Variants in ALPK3 observed in about 807,000 individuals in gnomAD.
ALPK3 encodes the protein alpha-protein kinase 3.
Under a neutral mutation model 140.0 loss-of-function variants are expected in ALPK3, and 102 were observed. The ratio of observed to expected loss-of-function variants is 0.73; its 90% CI spans 0.62 to 0.86. ALPK3 has a LOEUF of 0.86. Among genes scored for constraint, ALPK3 ranks in the 40% least tolerant of loss-of-function variants. The pLI, the probability that ALPK3 is intolerant of heterozygous loss-of-function variation, is 0.00. For synonymous variants in ALPK3, 938 were observed against 898.5 expected, an observed-to-expected ratio of 1.04 and a Z score of -0.79; for missense variants, 2,254 against 2,208.2, an observed-to-expected ratio of 1.02 and a Z score of -0.42.
intron 3 of ALPK3, among the ~76,000 whole-genome samples, chr15:84,829,896 T>C (rs1368319054): frequency 6.6e-6 from 1 of 152,242 alleles, no homozygotes; most frequent in Non-Finnish European, 1.5e-5. Context: ...GGATGGTTGC[T>C]GTGTCCTGAG....
In ALPK3 at chr15:84,840,346, G is replaced by T. The variant is rs750686743; in HGVS notation, c.1067G>T (p.Gly356Val). 6.2e-7 allele frequency: 1 copy of T among 1,613,678 alleles called. No homozygotes were observed. The highest frequency in any genetic ancestry group is 1.7e-5 in the Admixed American group (1 of 59,912). The change falls in exon 5 of 14, where the codon GGG becomes GTG. Residue 356 changes from glycine to valine, a missense_variant. Gly to Val is a moderately radical substitution (Grantham distance 109). Around this residue, in one of 3 missense-constraint regions of ALPK3, gnomAD observed 2,088 missense variants for 2,022.9 expected, o/e 1.03. Coordinates refer to ENST00000258888, the MANE Select transcript of ALPK3 (RefSeq NM_020778.5). ...AGCTCAGACGAGCCTGACTCCTGTG[G>T]GACTCAGGGGCCCGTGGGCGTGGAG... ...IPSSDEPDSCGTQGPVGVEQV... is the reference protein window; with the variant it reads ...IPSSDEPDSCVTQGPVGVEQV...
intron 5 of ALPK3, among the ~76,000 whole-genome samples, chr15:84,845,201 T>A (rs1378368720): frequency 6.6e-6 from 1 of 151,876 alleles, no homozygotes; most frequent in African/African-American, 2.4e-5. Context: ...GATGTAAACA[T>A]TAACTTGGGC....
At chr15:84,861,853 T>G (rs527651506) in intron 9 of ALPK3, among the ~76,000 whole-genome samples, 12 of 152,202 alleles carry the variant, frequency 7.9e-5, no homozygotes, top group Non-Finnish European at 1.8e-4. Flanking sequence ...GAGATTGGAT[T>G]CTTTTTTTTG....
chr15:84,829,674 G>T (rs960475686), intron 3 of ALPK3, among the ~76,000 whole-genome samples: 1 of 152,208 alleles, frequency 6.6e-6, no homozygotes, highest in Non-Finnish European at 1.5e-5. Flanking sequence ...CTACAGGCGC[G>T]TGCCACCACA....
Position 84,857,781 on chromosome 15 carries a change from C to G in ALPK3, c.3043C>G (p.Leu1015Val). ...TAGTCCCCGGACATCGAGGCGCATCCTGGAGCGTGTGGAGAACAACCACCT... is the reference window on the plus strand; with the variant it reads ...TAGTCCCCGGACATCGAGGCGCATCGTGGAGCGTGTGGAGAACAACCACCT... ...GLSPRTSRRILERVENNHLVQ... is the reference protein window; with the variant it reads ...GLSPRTSRRIVERVENNHLVQ... The change falls in exon 6 of 14, where the codon CTG (leucine) becomes GTG (valine). Residue 1015 changes from leucine (L) to valine (V), a missense_variant. Coordinates refer to ENST00000258888, the MANE Select transcript of ALPK3 (RefSeq NM_020778.5). The G allele has an allele frequency of 6.2e-7, 1 of 1,612,522 alleles. No homozygotes were observed. Among genetic ancestry groups the G allele is most frequent in the South Asian group, 1.1e-5 (1 of 91,014 alleles).
At chr15:84,859,638 G>A in intron 7 of ALPK3, 138 bp from the exon 8 acceptor site, 5 of 1,373,676 alleles carry the variant, frequency 3.6e-6, no homozygotes, top group Non-Finnish European at 4.8e-6. Flanking sequence ...CCAGCTCTTG[G>A]CCCTGGAATC....
chr15:84,837,386 T>C (rs1310267667), intron 3 of ALPK3, among the ~76,000 whole-genome samples: 2 of 152,168 alleles, frequency 1.3e-5, no homozygotes, highest in African/African-American at 4.8e-5. Context: ...GCCGCTTTAC[T>C]TAGGAGCGTG....
In ALPK3 at chr15:84,826,835, G is replaced by T. The variant is rs535609731; in HGVS notation, c.183-649G>T. 2.6e-4 allele frequency among the ~76,000 whole-genome samples: 39 copies of T among 152,248 alleles called. 1 individual carries two copies. The highest frequency in any genetic ancestry group is 9.4e-4 in the African/African-American group (39 of 41,538). ...GGGGAGCCACAGCTGGCTTTCCAAG[G>T]CTGCTTCCCAGCCCCATTTCGGCTG... On this transcript the variant is annotated intron_variant, in intron 2 of 13. Coordinates refer to ENST00000258888, the MANE Select transcript of ALPK3 (RefSeq NM_020778.5).
chr15:84,869,229 C>A lies in ALPK3; in HGVS notation c.*773C>A, dbSNP rs1964040332. 6.6e-6 allele frequency: 1 copy of A among 152,542 alleles called. No individual in the cohort carries two copies. The highest frequency in any genetic ancestry group is 1.5e-5 in the Non-Finnish European group (1 of 68,274). 9.4% of individuals were successfully genotyped at this position (152,542 alleles called of 1,614,324 possible). ...TGGCCCTTTGCTTGAGGGCTCCCCACTCCCTGCCCACCAATACCCAGGTGA... is the reference window on the plus strand; with the variant it reads ...TGGCCCTTTGCTTGAGGGCTCCCCAATCCCTGCCCACCAATACCCAGGTGA... On this transcript the variant is annotated 3_prime_UTR_variant, in exon 14 of 14. Transcript: ENST00000258888.
At chr15:84,843,201 T>G (rs1596150938) in intron 5 of ALPK3, among the ~76,000 whole-genome samples, 1 of 152,236 alleles carries the variant, frequency 6.6e-6, no homozygotes, top group East Asian at 1.9e-4. Flanking sequence ...GTACAGTGGC[T>G]CATGCCTGTA....
Position 84,857,229 on chromosome 15 carries a change from C to T in ALPK3, c.2491C>T (p.Gln831Ter). 1 of 1,613,980 alleles carries T rather than the reference C, an allele frequency of 6.2e-7. No individual in the cohort carries two copies. Among genetic ancestry groups the T allele is most frequent in the Non-Finnish European group, 8.5e-7 (1 of 1,179,938 alleles). The change falls in exon 6 of 14, where the codon CAG becomes TAG. Residue 831 changes from glutamine (Q) to a stop codon, truncating the protein, a stop_gained. Transcript: ENST00000258888. LOFTEE classifies it high-confidence loss of function. The stretch of plus-strand genomic sequence containing the variant: ...GTCATCAGGCCCAGTCGAGGCCAAG[C>T]AGGAGGACAGCCCGTTCCAGTGCCC... The part of the protein sequence containing the change: ...PQSSGPVEAK[Q>*]EDSPFQCPKE...
chr15:84,839,015 G>A lies in ALPK3; in HGVS notation c.340G>A (p.Asp114Asn), dbSNP rs1312855809. Residue 114 changes from aspartate to asparagine, a missense_variant, in exon 4 of 14, where the codon GAT becomes AAT. Around this residue, in one of 3 missense-constraint regions of ALPK3, gnomAD observed 2,088 missense variants for 2,022.9 expected, o/e 1.03. Coordinates refer to ENST00000258888, the MANE Select transcript of ALPK3 (RefSeq NM_020778.5). ...PEPEVTWYKD[D>N]TELDRYCGLP... The stretch of plus-strand genomic sequence containing the variant: ...GCCAGAGGTGACCTGGTACAAGGAT[G>A]ATACGGAGCTGGACCGCTACTGTGG... 6.2e-7 allele frequency: 1 copy of A among 1,614,134 alleles called. No homozygotes were observed. The highest frequency in any genetic ancestry group is 1.1e-5 in the South Asian group (1 of 91,048).
intron 3 of ALPK3, among the ~76,000 whole-genome samples, chr15:84,833,247 T>C (rs899105558): frequency 1.3e-5 from 2 of 152,224 alleles, no homozygotes; most frequent in Non-Finnish European, 2.9e-5. Flanking sequence ...ATTGTTGATC[T>C]TCTCCTTTCC....
intron 6 of ALPK3, 57 bp downstream of exon 6, chr15:84,858,612 C>T: frequency 6.7e-7 from 1 of 1,497,424 alleles, no homozygotes; most frequent in Non-Finnish European, 8.8e-7. Context: ...AGAAAGCACA[C>T]TGCTGCTGCT....
intron 11 of ALPK3, among the ~76,000 whole-genome samples, chr15:84,864,066 C>T (rs905473225): frequency 6.6e-6 from 1 of 152,170 alleles, no homozygotes; most frequent in Non-Finnish European, 1.5e-5. Context: ...GACTTGAACT[C>T]TGACCTTTGC....
chr15:84,822,577 C>T (rs1261345913), intron 1 of ALPK3, among the ~76,000 whole-genome samples: 2 of 152,010 alleles, frequency 1.3e-5, no homozygotes, highest in East Asian at 3.9e-4. Flanking sequence ...ATTTTTGTAT[C>T]AGGAAAGGAG....
rs765187060 is a variant in ALPK3 at position 84,840,505 on chromosome 15, A to T, written c.1226A>T (p.Gln409Leu). The T allele has an allele frequency of 1.2e-6, 2 of 1,612,244 alleles. No individual in the cohort carries two copies. The highest frequency in any genetic ancestry group is 1.7e-6 in the Non-Finnish European group (2 of 1,179,524). Residue 409 changes from glutamine to leucine, a missense_variant, in exon 5 of 14, where the codon CAG becomes CTG. This residue lies in a region of ALPK3 where 2,088 missense variants were observed against 2,022.9 expected (regional missense o/e 1.03). Transcript: ENST00000258888. ...AQKAPGPGPG[Q>L]EVYFSLKDMY... ...AAGGCCCCTGGCCCAGGCCCAGGCC[A>T]GGAAGTGTATTTCTCCTTGAAGGAC...
In ALPK3 at chr15:84,840,270, G is replaced by A. The variant is rs1366856276; in HGVS notation, c.991G>A (p.Glu331Lys). ...EESKQGLRKP[E>K]LEKAAQSRRS... Reference sequence around the variant, plus strand: ...ATCCAAGCAAGGCCTGCGGAAGCCAGAGTTAGAGAAGGCAGCCCAAAGCCG... The same window carrying A: ...ATCCAAGCAAGGCCTGCGGAAGCCAAAGTTAGAGAAGGCAGCCCAAAGCCG... The change falls in exon 5 of 14, where the codon GAG becomes AAG. Residue 331 changes from glutamate (E) to lysine (K), a missense_variant. By Grantham distance (56) the Glu-to-Lys change is moderately conservative (BLOSUM62 1). Transcript: ENST00000258888. 1 of 1,613,880 alleles carries A rather than the reference G, an allele frequency of 6.2e-7. No individual in the cohort carries two copies. The highest frequency in any genetic ancestry group is 8.5e-7 in the Non-Finnish European group (1 of 1,180,032).
intron 1 of ALPK3, 60 bp downstream of exon 1, chr15:84,817,655 G>A: frequency 7.0e-7 from 1 of 1,426,740 alleles, no homozygotes; most frequent in South Asian, 1.4e-5. Context: ...ATCAGTCCCT[G>A]TGAGGGCGGC....
Sources: allele counts gnomAD v4.1 joint callset (sites outside exome capture counted in the v4.1 genomes callset), GRCh38; gene constraint gnomAD v4.1.1; regional missense constraint gnomAD v4.1.1; transcripts MANE v1.5; gene names NCBI Gene and HGNC (gene_info 2026-07-23, HGNC 2026-07-21).